The following ADGRL3 variants were observed in gnomAD, a reference collection of about 807,000 sequenced individuals.
The protein encoded by ADGRL3 is calcium-independent alpha-latrotoxin receptor 3.
A neutral mutation model predicts 153.5 loss-of-function variants in ADGRL3; 62 were observed. The observed-to-expected ratio is 0.40, with a 90% confidence interval of 0.33 to 0.50. The LOEUF (loss-of-function observed/expected upper bound fraction) is 0.50, where lower values mean the gene tolerates loss of function less well. Among genes scored for constraint, ADGRL3 ranks in the 20% least tolerant of loss-of-function variants. The pLI is 0.47. For synonymous variants in ADGRL3, 710 were observed against 672.5 expected (o/e 1.06, Z -0.86); for missense variants, 1,641 against 1,859.4 (o/e 0.88, Z 2.16).
At chr4:61,874,832 C>T (rs368265188) in intron 9 of ADGRL3, among the ~76,000 whole-genome samples, 2 of 113,056 alleles carry the variant, frequency 1.8e-5, no homozygotes, top group East Asian at 2.7e-4. Context: ...GACGGAGTCT[C>T]GCTCTGTCGC....
intron 21 of ADGRL3, among the ~76,000 whole-genome samples, chr4:62,009,555 G>A (rs943639171): frequency 6.6e-6 from 1 of 152,214 alleles, no homozygotes; most frequent in African/African-American, 2.4e-5. Context: ...GAAATGTACT[G>A]AAGTTAATAA....
chr4:61,480,194 C>T (rs182468866), intron 2 of ADGRL3, among the ~76,000 whole-genome samples: 388 of 152,282 alleles, frequency 2.5e-3, no homozygotes, highest in Non-Finnish European at 3.6e-3. Flanking sequence ...TCTCCTCCTT[C>T]TCCACTGCCA....
chr4:61,271,159 C>T (rs1272639220), intron 1 of ADGRL3, among the ~76,000 whole-genome samples: 2 of 151,774 alleles, frequency 1.3e-5, no homozygotes, highest in African/African-American at 4.8e-5. Flanking sequence ...CAAGTGACTT[C>T]CGGGGCCAGG....
At chr4:61,276,486 CAT>C (rs2093467456) in intron 1 of ADGRL3, among the ~76,000 whole-genome samples, 1 of 152,092 alleles carries the variant, frequency 6.6e-6, no homozygotes. Flanking sequence ...ATTTTGATCA[CAT>C]TTATTCTTTG....
rs1197008203 is a variant in ADGRL3, at chr4:61,715,969, A to AT, written c.584-14653_584-14652insT. Among the ~76,000 whole-genome samples, 5 of 150,918 alleles carry AT rather than the reference A, an allele frequency of 3.3e-5. 1 individual carries two copies. The highest frequency in any genetic ancestry group is 1.2e-4 in the African/African-American group (5 of 40,772). On this transcript the variant is annotated intron_variant, in intron 6 of 26. Coordinates refer to ENST00000683033, the MANE Select transcript of ADGRL3 (RefSeq NM_001387552.1). ...AAGTAAAAAAAAAAAAAAAAAAAAAAATCCTTTCCTCGACAATACTGTCAG... is the reference window on the plus strand; with the variant it reads ...AAGTAAAAAAAAAAAAAAAAAAAAAATATCCTTTCCTCGACAATACTGTCAG...
intron 1 of ADGRL3, among the ~76,000 whole-genome samples, chr4:61,287,528 TA>T (rs2093985948): frequency 1.3e-5 from 2 of 152,146 alleles, no homozygotes; most frequent in African/African-American, 4.8e-5. Context: ...ATTGTTTGAA[TA>T]AATGTTACTG....
chr4:61,887,200 CTT>C (rs1214296888), intron 9 of ADGRL3, among the ~76,000 whole-genome samples: 3 of 151,862 alleles, frequency 2.0e-5, no homozygotes, highest in Non-Finnish European at 4.4e-5. Context: ...TATATTCTCT[CTT>C]ATTAATTTTT....
At chr4:61,737,365 T>G (rs533557496) in intron 8 of ADGRL3, among the ~76,000 whole-genome samples, 1 of 152,252 alleles carries the variant, frequency 6.6e-6, no homozygotes, top group East Asian at 1.9e-4. Flanking sequence ...GATCTGGTGT[T>G]GAAAAATAAA....
At chr4:61,296,074 T>C (rs1023057604) in intron 1 of ADGRL3, among the ~76,000 whole-genome samples, 1 of 152,200 alleles carries the variant, frequency 6.6e-6, no homozygotes, top group Non-Finnish European at 1.5e-5. Context: ...TAAGGTAAAT[T>C]GATTTTGGTG....
At chr4:61,356,663 TTA>T (rs2096177251) in intron 1 of ADGRL3, among the ~76,000 whole-genome samples, 1 of 152,122 alleles carries the variant, frequency 6.6e-6, no homozygotes, top group African/African-American at 2.4e-5. Flanking sequence ...CTTCTTAATT[TTA>T]TTTGCTTGGT....
chr4:61,453,041 C>A (rs1388007273), intron 2 of ADGRL3, among the ~76,000 whole-genome samples: 2 of 151,952 alleles, frequency 1.3e-5, no homozygotes, highest in African/African-American at 4.8e-5. Context: ...ATAGGTGGCC[C>A]AGTAGTTCAG....
intron 6 of ADGRL3, among the ~76,000 whole-genome samples, chr4:61,717,574 G>A (rs182319534): frequency 1.7e-4 from 26 of 152,198 alleles, no homozygotes; most frequent in Admixed American, 5.9e-4. Flanking sequence ...TCAAAAAGTC[G>A]TTTTGATAAG....
chr4:61,775,323 A>G lies in ADGRL3; in HGVS notation c.1400-38486A>G, dbSNP rs115374304. 3.1e-3 allele frequency: 998 copies of G among 323,254 alleles called. 13 individuals carry two copies. Among genetic ancestry groups the G allele is most frequent in the African/African-American group, 0.02 (926 of 46,986 alleles). 20.0% of individuals were successfully genotyped at this position (323,254 alleles called of 1,614,324 possible). A position where few individuals can be genotyped will look rare whatever the true frequency, so the allele number is the denominator to read the frequency against. The stretch of plus-strand genomic sequence containing the variant: ...AGCTGATAATGTTCTAGAGTTAAGA[A>G]TTTGAAATACCATGACACAAATTCA... On this transcript the variant is annotated intron_variant, in intron 8 of 26. Coordinates refer to ENST00000683033, the MANE Select transcript of ADGRL3 (RefSeq NM_001387552.1).
intron 1 of ADGRL3, among the ~76,000 whole-genome samples, chr4:61,236,521 T>C (rs1752925852): frequency 6.6e-6 from 1 of 152,188 alleles, no homozygotes; most frequent in Admixed American, 6.5e-5. Flanking sequence ...TGAATATTAT[T>C]CTTTTATTTC....
At chr4:61,547,174 G>A (rs1425888489) in intron 4 of ADGRL3, among the ~76,000 whole-genome samples, 1 of 151,776 alleles carries the variant, frequency 6.6e-6, no homozygotes, top group Admixed American at 6.6e-5. Flanking sequence ...ACATACATGT[G>A]TCTTTCTAAA....
intron 1 of ADGRL3, among the ~76,000 whole-genome samples, chr4:61,348,847 C>A (rs2095981406): frequency 6.6e-6 from 1 of 151,822 alleles, no homozygotes; most frequent in South Asian, 2.1e-4. Context: ...TGTTTTACTG[C>A]AATAGTTAGC....
chr4:62,027,117 G>A (rs1310403805), intron 21 of ADGRL3, among the ~76,000 whole-genome samples: 3 of 151,982 alleles, frequency 2.0e-5, no homozygotes, highest in Non-Finnish European at 1.5e-5. Context: ...CAATGGGAAT[G>A]CATATAATAT....
At chr4:61,642,495 T>C (rs1580025114) in intron 5 of ADGRL3, among the ~76,000 whole-genome samples, 1 of 152,288 alleles carries the variant, frequency 6.6e-6, no homozygotes, top group East Asian at 1.9e-4. Flanking sequence ...CAGTTTCAGC[T>C]TTCTACATGT....
At chr4:61,796,732 A>G (rs1457109310) in intron 8 of ADGRL3, among the ~76,000 whole-genome samples, 1 of 152,034 alleles carries the variant, frequency 6.6e-6, no homozygotes, top group Non-Finnish European at 1.5e-5. Flanking sequence ...TATAATTTTT[A>G]TTAGTAATTG....
Sources: gnomAD v4.1 joint callset for allele counts (sites outside exome capture counted in the v4.1 genomes callset) on GRCh38, gnomAD v4.1.1 for gene constraint, MANE v1.5 for transcripts, NCBI Gene and HGNC (gene_info 2026-07-23, HGNC 2026-07-21) for gene names.